ZNF254: variants seen among roughly 807,000 people sequenced by gnomAD.
ZNF254 encodes the protein zinc finger protein 254, also known as CTD-2017D11.1.
Under a neutral mutation model 12.4 loss-of-function variants are expected in ZNF254, and 10 were observed. The ratio of observed to expected loss-of-function variants is 0.80; its 90% CI spans 0.50 to 1.36. ZNF254 has a LOEUF of 1.36. Ranked by LOEUF, ZNF254 falls within the 40% of genes most tolerant of loss-of-function variation. The pLI, the probability that ZNF254 is intolerant of heterozygous loss-of-function variation, is 0.00. For missense variants in ZNF254, 996 were observed against 763.9 expected, an observed-to-expected ratio of 1.30 and a Z score of -3.58; for synonymous variants, 305 against 253.4, an observed-to-expected ratio of 1.20 and a Z score of -1.93.
intron 2 of ZNF254, chr19:24,049,351 C>T (rs990555201): frequency 2.0e-5 from 3 of 151,200 alleles, no homozygotes; most frequent in African/African-American, 7.3e-5. Flanking sequence ...GGATTACAGG[C>T]ATGCACCACC....
At chr19:24,035,969 C>G (rs944418520) in intron 1 of ZNF254, among the ~76,000 whole-genome samples, 5 of 152,142 alleles carry the variant, frequency 3.3e-5, no homozygotes, top group African/African-American at 1.2e-4. Flanking sequence ...ATGAGTTTTC[C>G]TTGCCCTGTA....
chr19:24,084,618 G>A (rs1453945277), upstream of ZNF254, among the ~76,000 whole-genome samples: 4 of 151,838 alleles, frequency 2.6e-5, no homozygotes, highest in Non-Finnish European at 2.9e-5. Context: ...TCTATGCTTT[G>A]GCTGTTTTTG....
chr19:24,061,958 G>T (rs1971086419), intron 2 of ZNF254, among the ~76,000 whole-genome samples: 1 of 151,974 alleles, frequency 6.6e-6, no homozygotes, highest in African/African-American at 2.4e-5. Context: ...AGTGGCACGT[G>T]CCTGTAATCC....
Position 24,127,015 on chromosome 19 carries a change from A to G in ZNF254, c.1015A>G (p.Arg339Gly). 1.2e-6 allele frequency: 2 copies of G among 1,613,802 alleles called. No homozygotes were observed. Among genetic ancestry groups the G allele is most frequent in the Non-Finnish European group, 1.7e-6 (2 of 1,179,846 alleles). The change falls in exon 4 of 4, where the codon AGA becomes GGA. Residue 339 changes from arginine to glycine, a missense_variant. Physicochemically the swap from Arg to Gly is moderately radical, Grantham distance 125. Transcript: ENST00000357002. ...ATTTATATGGTCCTCAACACTAACT[A>G]GACATAAGAGGATGCACACTGGAGA... ...KAFIWSSTLT[R>G]HKRMHTGEKP...
At chr19:24,093,288 T>C (rs960724678) in intron 1 of ZNF254, among the ~76,000 whole-genome samples, 1 of 152,152 alleles carries the variant, frequency 6.6e-6, no homozygotes, top group Admixed American at 6.5e-5. Flanking sequence ...AGAAGCTCTT[T>C]AGTTTAATTA....
rs757706779 is a variant in ZNF254 at position 24,127,583 on chromosome 19, A to G, written c.1583A>G (p.Asn528Ser). 6.2e-7 allele frequency: 1 copy of G among 1,606,886 alleles called. No individual in the cohort carries two copies. The highest frequency in any genetic ancestry group is 8.5e-7 in the Non-Finnish European group (1 of 1,176,528). Residue 528 changes from asparagine to serine, a missense_variant, in exon 4 of 4, where the codon AAC becomes AGC. Asn to Ser is a conservative substitution (Grantham distance 46, BLOSUM62 1). Coordinates refer to ENST00000357002, the MANE Select transcript of ZNF254 (RefSeq NM_203282.4). The part of the protein sequence containing the change: ...YKCEECGKAF[N>S]WSSTLTKHKI... The stretch of plus-strand genomic sequence containing the variant: ...TGTGAAGAATGTGGCAAAGCCTTTA[A>G]CTGGTCCTCAACTCTTACTAAACAT...
Position 24,127,991 on chromosome 19 carries a change from A to G in ZNF254, c.*11A>G, listed in dbSNP as rs1270668600. The G allele has an allele frequency of 6.6e-7, 1 of 1,524,068 alleles. No individual in the cohort carries two copies. The highest frequency in any genetic ancestry group is 2.2e-5 in the Admixed American group (1 of 44,906). The allele number at this position is 1,524,068 out of a possible 1,614,324, so 94.4% of individuals were successfully genotyped here. ...ATCTTACAAGTATGAATAATGTGCCAAAGCCTAAGAAAACCCTCAATTCTT... is the reference window on the plus strand; with the variant it reads ...ATCTTACAAGTATGAATAATGTGCCGAAGCCTAAGAAAACCCTCAATTCTT... On this transcript the variant is annotated 3_prime_UTR_variant, in exon 4 of 4. Transcript: ENST00000357002.
chr19:24,069,381 G>A (rs1971396617), intron 2 of ZNF254, among the ~76,000 whole-genome samples: 1 of 147,850 alleles, frequency 6.8e-6, no homozygotes, highest in Non-Finnish European at 1.5e-5. Flanking sequence ...GGCCGAGGCA[G>A]GTGGATCACG....
At chr19:24,035,676 A>C (rs985031388) in intron 1 of ZNF254, among the ~76,000 whole-genome samples, 3 of 152,268 alleles carry the variant, frequency 2.0e-5, no homozygotes, top group African/African-American at 7.2e-5. Flanking sequence ...GGTCTCAAAG[A>C]AAAAAGAGGA....
At chr19:24,082,152 A>G (rs576814271) in intron 2 of ZNF254, among the ~76,000 whole-genome samples, 1 of 151,996 alleles carries the variant, frequency 6.6e-6, no homozygotes. Flanking sequence ...GATAATATCG[A>G]GTCTCGCAAA....
intron 3 of ZNF254, among the ~76,000 whole-genome samples, chr19:24,125,545 A>G (rs1974778281): frequency 6.6e-6 from 1 of 152,158 alleles, no homozygotes; most frequent in Non-Finnish European, 1.5e-5. Flanking sequence ...CTTATAATGT[A>G]GCTTTGTCAT....
At chr19:24,041,554 G>T (rs1473308075) in intron 1 of ZNF254, among the ~76,000 whole-genome samples, 1 of 152,244 alleles carries the variant, frequency 6.6e-6, no homozygotes, top group South Asian at 2.1e-4. Flanking sequence ...TTTCCTGCGG[G>T]GCAGGGCTCG....
chr19:24,117,872 T>C (rs1197100051), intron 3 of ZNF254, among the ~76,000 whole-genome samples: 1 of 152,010 alleles, frequency 6.6e-6, no homozygotes, highest in African/African-American at 2.4e-5. Context: ...CTGAATCATA[T>C]TCCATTCTAT....
chr19:24,044,916 G>A (rs1280104537), intron 1 of ZNF254, among the ~76,000 whole-genome samples: 2 of 152,202 alleles, frequency 1.3e-5, no homozygotes, highest in East Asian at 3.8e-4. Flanking sequence ...AGCAGAATAT[G>A]TATAGAGATT....
At chr19:24,123,810 T>C (rs1974647286) in intron 3 of ZNF254, among the ~76,000 whole-genome samples, 1 of 152,118 alleles carries the variant, frequency 6.6e-6, no homozygotes, top group African/African-American at 2.4e-5. Context: ...TCTCATTTGA[T>C]TAATATTTGC....
intron 2 of ZNF254, among the ~76,000 whole-genome samples, chr19:24,077,577 A>G (rs1039748496): frequency 6.6e-6 from 1 of 152,222 alleles, no homozygotes; most frequent in African/African-American, 2.4e-5. Flanking sequence ...GGGATGTTCC[A>G]AGCATCAGCT....
At chr19:24,051,311 C>T (rs1335874164) in intron 2 of ZNF254, among the ~76,000 whole-genome samples, 1 of 152,086 alleles carries the variant, frequency 6.6e-6, no homozygotes, top group Non-Finnish European at 1.5e-5. Context: ...GTACACATGC[C>T]ACCACGCCCA....
chr19:24,085,408 GTATATA>G (rs377541868), upstream of ZNF254, among the ~76,000 whole-genome samples: 82 of 32,712 alleles, frequency 2.5e-3, 4 homozygotes, highest in Non-Finnish European at 3.4e-3. Flanking sequence ...TTTGTTAAGG[GTATATA>G]TATATATATA....
chr19:24,082,660 A>C (rs1483920512), upstream of ZNF254, among the ~76,000 whole-genome samples: 3 of 144,188 alleles, frequency 2.1e-5, no homozygotes, highest in East Asian at 2.1e-4. Context: ...AAAAAAACAA[A>C]AAAAAAAAAC....
Sources: gnomAD v4.1 joint callset for allele counts (sites outside exome capture counted in the v4.1 genomes callset) on GRCh38, gnomAD v4.1.1 for gene constraint, MANE v1.5 for transcripts, NCBI Gene and HGNC (gene_info 2026-07-23, HGNC 2026-07-21) for gene names.